The following DOCK8 variants were observed in gnomAD, a reference collection of about 807,000 sequenced individuals.
The protein encoded by DOCK8 is dedicator of cytokinesis protein 8.
DOCK8 carries 141 observed loss-of-function variants against 245.6 expected under a neutral mutation model. The ratio of observed to expected loss-of-function variants is 0.57; its 90% CI spans 0.50 to 0.66. The LOEUF is 0.66. DOCK8 is among the 30% of genes least tolerant of loss of function. The probability of loss-of-function intolerance (pLI) is 0.00; values close to 1 mark genes in which losing one functional copy is unlikely to be tolerated. For missense variants in DOCK8, 2,965 were observed against 2,603.4 expected, an observed-to-expected ratio of 1.14 and a Z score of -3.02; for synonymous variants, 1,168 against 970.2, an observed-to-expected ratio of 1.20 and a Z score of -3.79.
intron 1 of DOCK8, among the ~76,000 whole-genome samples, chr9:271,108 A>G (rs1226133693): frequency 3.9e-5 from 6 of 152,192 alleles, no homozygotes; most frequent in African/African-American, 1.4e-4. Context: ...AAATACAATC[A>G]TTGGGAATTC....
At chr9:463,069 T>C (rs1025037707) in intron 46 of DOCK8, among the ~76,000 whole-genome samples, 1 of 152,164 alleles carries the variant, frequency 6.6e-6, no homozygotes, top group Non-Finnish European at 1.5e-5. Context: ...TAGGTTGGCT[T>C]CAGTATCCCC....
intron 2 of DOCK8, among the ~76,000 whole-genome samples, chr9:276,256 T>G (rs552135263): frequency 6.6e-6 from 1 of 152,328 alleles, no homozygotes; most frequent in Admixed American, 6.5e-5. Flanking sequence ...AAGGTAACAC[T>G]TATTTTGCCC....
At chr9:309,746 C>T (rs942494217) in intron 5 of DOCK8, among the ~76,000 whole-genome samples, 3 of 152,162 alleles carry the variant, frequency 2.0e-5, no homozygotes, top group East Asian at 3.8e-4. Context: ...ACTCCCACAT[C>T]GACCTTTGGA....
rs146984705 is a variant in DOCK8 at position 420,427 on chromosome 9, C to G, written c.3867C>G (p.Asn1289Lys). The change falls in exon 31 of 48, where the codon AAC (asparagine) becomes AAG (lysine). Residue 1289 changes from asparagine to lysine, a missense_variant. By Grantham distance (94) the Asn-to-Lys change is moderately conservative. Around this residue, in one of 3 missense-constraint regions of DOCK8, gnomAD observed 2,825 missense variants for 2,453.5 expected, o/e 1.15. Transcript: ENST00000432829. ...SLPYKQYNML[N>K]ADTTRNLMIC... ...CCTATAAGCAGTACAACATGCTGAACGCGGACACTACTCGCAACCTCATGA... is the reference window on the plus strand; with the variant it reads ...CCTATAAGCAGTACAACATGCTGAAGGCGGACACTACTCGCAACCTCATGA... The G allele has an allele frequency of 5.0e-6, 8 of 1,614,162 alleles. No individual in the cohort carries two copies. The South Asian group carries it at 6.6e-5, about 13-fold the overall frequency.
chr9:400,025 C>CCACCATCACCACCACCACCTCCACCAT (rs1564011633), intron 26 of DOCK8, among the ~76,000 whole-genome samples: 21 of 91,122 alleles, frequency 2.3e-4, no homozygotes, highest in African/African-American at 1.2e-3. Context: ...ACCACCACCT[C>CCACCATCACCACCACCACCTCCACCAT]CACCATCACC....
chr9:303,942 T>A (rs986307078), intron 4 of DOCK8, among the ~76,000 whole-genome samples: 1 of 152,238 alleles, frequency 6.6e-6, no homozygotes, highest in African/African-American at 2.4e-5. Flanking sequence ...GTTTCTCTAG[T>A]CATCACTTGA....
In DOCK8 at chr9:214,982, C is replaced by A. The variant is rs759932577; in HGVS notation, c.6C>A (p.Ala2=). The change falls in exon 1 of 48, where the codon GCC becomes GCA. Residue 2 remains alanine (A), a synonymous_variant. Transcript: ENST00000432829. ...CACCGAACCGCCGGCGGGCCATGGC[C>A]ACTCTGCCGAGCGCAGAGCGCCGCG... M[A]TLPSAERRAF... 1 of 1,601,024 alleles carries A rather than the reference C, an allele frequency of 6.2e-7. No homozygotes were observed.
rs563025114 is a variant in DOCK8, at chr9:397,377, A to G, written c.3120+443A>G. ...AAAAAAAAAAAAAAAAGAAATTGCA[A>G]TATGGACTGTGGTTTAAATGATCAT... On this transcript the variant is annotated intron_variant, in intron 25 of 47. Transcript: ENST00000432829. Among the ~76,000 whole-genome samples, 17 of 148,460 alleles carry G rather than the reference A, an allele frequency of 1.1e-4. No individual in the cohort carries two copies. In the South Asian group the frequency reaches 3.6e-3, roughly 32 times the overall value.
chr9:249,651 G>A (rs1563840343), intron 1 of DOCK8, among the ~76,000 whole-genome samples: 1 of 151,938 alleles, frequency 6.6e-6, no homozygotes, highest in Non-Finnish European at 1.5e-5. Flanking sequence ...GTCTCGCCCT[G>A]TTGCCCAGGC....
At chr9:305,972 C>T (rs1159369731) in intron 5 of DOCK8, among the ~76,000 whole-genome samples, 2 of 152,006 alleles carry the variant, frequency 1.3e-5, no homozygotes, top group Non-Finnish European at 2.9e-5. Flanking sequence ...GGTAGAGTTT[C>T]GGCATCCCAA....
In DOCK8 at chr9:248,913, A is replaced by G. The variant is rs376489164; in HGVS notation, c.54-22714A>G. 5.3e-5 allele frequency among the ~76,000 whole-genome samples: 8 copies of G among 152,268 alleles called. No homozygotes were observed. In the East Asian group the frequency reaches 1.4e-3, roughly 26 times the overall value. ...TAAGGATGGACATTTGTGGCCTGTTATTGTTACTTCATTCTAGGTGACAGA... is the reference window on the plus strand; with the variant it reads ...TAAGGATGGACATTTGTGGCCTGTTGTTGTTACTTCATTCTAGGTGACAGA... On this transcript the variant is annotated intron_variant, in intron 1 of 47. Transcript: ENST00000432829.
chr9:319,167 A>G (rs2050475122), intron 7 of DOCK8, among the ~76,000 whole-genome samples: 1 of 151,742 alleles, frequency 6.6e-6, no homozygotes, highest in East Asian at 1.9e-4. Flanking sequence ...TTTTAGCCCT[A>G]GCTACATTGG....
At chr9:338,936 C>T in intron 12 of DOCK8, 70 bp from the exon 13 acceptor site, 3 of 1,336,676 alleles carry the variant, frequency 2.2e-6, no homozygotes, top group Non-Finnish European at 3.2e-6. Flanking sequence ...AAAATCTTCC[C>T]AGAAATCGTT....
rs115353289 is a variant in DOCK8 at position 241,420 on chromosome 9, A to G, written c.53+26391A>G. Among the ~76,000 whole-genome samples, 1,134 of 152,110 alleles carry G rather than the reference A, an allele frequency of 7.5e-3. 15 individuals are homozygous for G. Among genetic ancestry groups the G allele is most frequent in the African/African-American group, 0.026 (1,081 of 41,484 alleles). On this transcript the variant is annotated intron_variant, in intron 1 of 47. Transcript: ENST00000432829. ...CCTGGCCTCCAGTAAACTCTGTTCT[A>G]CTTTTTACTTCTATGAGATCGAAGT...
At chr9:464,016 A>G (rs976410526) in intron 47 of DOCK8, 143 bp from the exon 48 acceptor site, 52 of 809,776 alleles carry the variant, frequency 6.4e-5, no homozygotes, top group Non-Finnish European at 9.9e-5. Flanking sequence ...CAGACCTTTC[A>G]CTTATTATTT....
chr9:455,988 A>G (rs10974557), intron 46 of DOCK8, among the ~76,000 whole-genome samples: 67,568 of 152,016 alleles, frequency 0.44, 16,621 homozygotes, highest in Non-Finnish European at 0.58. Flanking sequence ...TGAAGTCCCA[A>G]TATCAGTAGG....
chr9:441,628 CA>C (rs1215987570), intron 41 of DOCK8, among the ~76,000 whole-genome samples: 1 of 152,152 alleles, frequency 6.6e-6, no homozygotes, highest in Non-Finnish European at 1.5e-5. Flanking sequence ...ACTTTATAAC[CA>C]GGAAATGTGA....
chr9:299,747 C>T (rs1490217471), intron 4 of DOCK8, among the ~76,000 whole-genome samples: 1 of 151,712 alleles, frequency 6.6e-6, no homozygotes. Flanking sequence ...TATGGCCGGG[C>T]GCGGTGGCAC....
intron 1 of DOCK8, among the ~76,000 whole-genome samples, chr9:228,172 C>T (rs577875459): frequency 2.0e-5 from 3 of 152,130 alleles, no homozygotes; most frequent in East Asian, 1.9e-4. Flanking sequence ...AAGGCCCCTA[C>T]AAGGCTGTGA....
Sources: allele counts gnomAD v4.1 joint callset (sites outside exome capture counted in the v4.1 genomes callset), GRCh38; gene constraint gnomAD v4.1.1; regional missense constraint gnomAD v4.1.1; transcripts MANE v1.5; gene names NCBI Gene and HGNC (gene_info 2026-07-23, HGNC 2026-07-21).